The following PRKG1 variants were observed in gnomAD, a reference collection of about 807,000 sequenced individuals.
PRKG1 encodes the protein cGMP-dependent protein kinase 1.
PRKG1 carries 35 observed loss-of-function variants against 88.1 expected under a neutral mutation model. The ratio of observed to expected loss-of-function variants is 0.40; its 90% CI spans 0.30 to 0.53. PRKG1 has a LOEUF of 0.53. Among genes scored for constraint, PRKG1 ranks in the 20% least tolerant of loss-of-function variants. The probability of loss-of-function intolerance (pLI) is 0.59; values close to 1 mark genes in which losing one functional copy is unlikely to be tolerated. For synonymous variants in PRKG1, 303 were observed against 292.5 expected (o/e 1.04, Z -0.37); for missense variants, 540 against 839.8 (o/e 0.64, Z 4.41).
rs145423426 is a variant in PRKG1 at position 51,178,365 on chromosome 10, G to A, written c.478+25035G>A. On this transcript the variant is annotated intron_variant, in intron 2 of 17. Coordinates refer to ENST00000373980, the MANE Select transcript of PRKG1 (RefSeq NM_006258.4). ...ACATTTAAAAAATATTGGGCTGGGC[G>A]CGGTGGCTCACACCTCCAATCCTAG... 1.2e-3 allele frequency among the ~76,000 whole-genome samples: 188 copies of A among 152,188 alleles called. 2 individuals are homozygous for A. Among genetic ancestry groups the A allele is most frequent in the Admixed American group, 0.011 (166 of 15,284 alleles).
At chr10:51,345,161 T>G (rs1842084766) in intron 2 of PRKG1, among the ~76,000 whole-genome samples, 1 of 152,120 alleles carries the variant, frequency 6.6e-6, no homozygotes, top group Admixed American at 6.5e-5. Flanking sequence ...AATATAAAGT[T>G]TTCAAATAAA....
intron 4 of PRKG1, among the ~76,000 whole-genome samples, chr10:51,834,080 C>A (rs1840068188): frequency 6.6e-6 from 1 of 152,046 alleles, no homozygotes; most frequent in African/African-American, 2.4e-5. Flanking sequence ...GTGTATAGGG[C>A]TAAATAGTAT....
At chr10:51,070,869 A>G (rs1184544645), upstream of PRKG1, among the ~76,000 whole-genome samples, 2 of 152,230 alleles carry the variant, frequency 1.3e-5, no homozygotes, top group South Asian at 2.1e-4. Flanking sequence ...GCTGAAAAAC[A>G]GGTTGTGAGT....
At chr10:52,147,003 T>G (rs920111372) in intron 8 of PRKG1, among the ~76,000 whole-genome samples, 1 of 142,578 alleles carries the variant, frequency 7.0e-6, no homozygotes, top group Non-Finnish European at 1.5e-5. Context: ...TGACATTTGT[T>G]CTTTTCTTGC....
chr10:51,241,910 C>T (rs955626783), intron 2 of PRKG1, among the ~76,000 whole-genome samples: 1 of 151,874 alleles, frequency 6.6e-6, no homozygotes, highest in Non-Finnish European at 1.5e-5. Flanking sequence ...TATTTAGAAC[C>T]CTGGATACCA....
chr10:51,687,914 C>A (rs1841035711), intron 3 of PRKG1, among the ~76,000 whole-genome samples: 1 of 152,174 alleles, frequency 6.6e-6, no homozygotes, highest in African/African-American at 2.4e-5. Flanking sequence ...AATGTTCACT[C>A]AATTATCTGT....
At chr10:51,625,738 A>T (rs866829842) in intron 3 of PRKG1, among the ~76,000 whole-genome samples, 78 of 151,630 alleles carry the variant, frequency 5.1e-4, no homozygotes, top group African/African-American at 1.8e-3. Flanking sequence ...AAAAAAAAAG[A>T]ATATATGAAT....
chr10:51,671,928 TA>T (rs540861980), intron 3 of PRKG1, among the ~76,000 whole-genome samples: 296 of 152,310 alleles, frequency 1.9e-3, no homozygotes, highest in African/African-American at 7.0e-3. Flanking sequence ...TTGATTTAAC[TA>T]ATTATATCTG....
chr10:52,245,308 C>T (rs1013555502), intron 9 of PRKG1, among the ~76,000 whole-genome samples: 7 of 151,988 alleles, frequency 4.6e-5, no homozygotes, highest in African/African-American at 1.7e-4. Context: ...TTTATCTGAA[C>T]ATTTAAGTAA....
intron 17 of PRKG1, 105 bp from the exon 18 acceptor site, chr10:52,293,697 T>A: frequency 1.2e-6 from 1 of 850,704 alleles, no homozygotes; most frequent in East Asian, 2.6e-5. Flanking sequence ...AGATACTCAA[T>A]GAAATAGTCA....
rs765834407 is a variant in PRKG1 at position 52,174,133 on chromosome 10, C to T, written c.1076+12170C>T. Among the ~76,000 whole-genome samples, 136 of 151,792 alleles carry T rather than the reference C, an allele frequency of 9.0e-4. 1 individual carries two copies. The highest frequency in any genetic ancestry group is 6.8e-3 in the Middle Eastern group (2 of 294). The stretch of plus-strand genomic sequence containing the variant: ...AATTTATTTTTTATTTTTTGGTAAA[C>T]TCCTTGTAATAGGACTCATGGTTTT... On this transcript the variant is annotated intron_variant, in intron 9 of 17. Coordinates refer to ENST00000373980, the MANE Select transcript of PRKG1 (RefSeq NM_006258.4).
At chr10:51,721,960 G>A (rs891559910) in intron 3 of PRKG1, among the ~76,000 whole-genome samples, 2 of 152,156 alleles carry the variant, frequency 1.3e-5, no homozygotes, top group Admixed American at 6.5e-5. Flanking sequence ...GGCAGGGTGC[G>A]GTGGCTTACG....
chr10:52,235,072 A>G (rs1444652172), intron 9 of PRKG1, among the ~76,000 whole-genome samples: 1 of 86,668 alleles, frequency 1.2e-5, no homozygotes, highest in African/African-American at 5.1e-5. Flanking sequence ...ACTAAGCTTC[A>G]TAAGTGAAGG....
rs191385817 is a variant in PRKG1, at chr10:51,430,264, A to C, written c.479-37459A>C. Among the ~76,000 whole-genome samples, 457 of 152,106 alleles carry C rather than the reference A, an allele frequency of 3.0e-3. 1 individual carries two copies. Among genetic ancestry groups the C allele is most frequent in the African/African-American group, 0.01 (424 of 41,500 alleles). ...ATCTCGTCTCTACAAAAAATTAAAG[A>C]AAAAATTAACTGGGTGTGGTGGCGT... On this transcript the variant is annotated intron_variant, in intron 2 of 17. Coordinates refer to ENST00000373980, the MANE Select transcript of PRKG1 (RefSeq NM_006258.4).
chr10:51,685,271 C>A (rs1183583833), intron 3 of PRKG1, among the ~76,000 whole-genome samples: 1 of 152,150 alleles, frequency 6.6e-6, no homozygotes, highest in East Asian at 1.9e-4. Context: ...CTCTTATGAG[C>A]TGTTGTGACT....
At chr10:52,042,594 A>G (rs1845776860) in intron 5 of PRKG1, among the ~76,000 whole-genome samples, 1 of 152,190 alleles carries the variant, frequency 6.6e-6, no homozygotes. Context: ...AAAGACTTAA[A>G]CATAAGACCC....
intron 1 of PRKG1, among the ~76,000 whole-genome samples, chr10:51,105,909 G>A (rs1046203650): frequency 1.3e-5 from 2 of 152,168 alleles, no homozygotes; most frequent in African/African-American, 4.8e-5. Flanking sequence ...AAATTAATGA[G>A]TATATGATTT....
At chr10:51,069,446 G>A (rs377390090) in intron 1 of PRKG1, among the ~76,000 whole-genome samples, 201 of 152,034 alleles carry the variant, frequency 1.3e-3, no homozygotes, top group African/African-American at 4.7e-3. Context: ...AATTCACAGG[G>A]AATCAATGTA....
chr10:51,968,417 C>T (rs2133084381), intron 5 of PRKG1, among the ~76,000 whole-genome samples: 1 of 152,144 alleles, frequency 6.6e-6, no homozygotes, highest in Non-Finnish European at 1.5e-5. Context: ...GAAGAAGAGG[C>T]ATAGACACAA....
Sources: gnomAD v4.1 joint callset for allele counts (sites outside exome capture counted in the v4.1 genomes callset) on GRCh38, gnomAD v4.1.1 for gene constraint, MANE v1.5 for transcripts, NCBI Gene and HGNC (gene_info 2026-07-23, HGNC 2026-07-21) for gene names.